PPP1R12A: variants seen among roughly 807,000 people sequenced by gnomAD.
PPP1R12A encodes the protein protein phosphatase 1 regulatory subunit 12A, also known as myosin binding subunit.
PPP1R12A carries 19 observed loss-of-function variants against 139.6 expected under a neutral mutation model. The observed-to-expected ratio is 0.14, with a 90% CI of 0.09 to 0.20. The LOEUF is 0.20. Among genes scored for constraint, PPP1R12A ranks in the 10% least tolerant of loss-of-function variants. PPP1R12A has a pLI of 1.00. For missense variants in PPP1R12A, 925 were observed against 1,211.5 expected, an observed-to-expected ratio of 0.76 and a Z score of 3.51; for synonymous variants, 427 against 420.6, an observed-to-expected ratio of 1.02 and a Z score of -0.19.
chr12:79,789,386 C>A (rs946232810), intron 20 of PPP1R12A, among the ~76,000 whole-genome samples: 7 of 152,120 alleles, frequency 4.6e-5, no homozygotes, highest in Admixed American at 6.5e-5. Context: ...AAATGGCTTA[C>A]AATTGATGAT....
chr12:79,844,312 A>G (rs2137207243), intron 3 of PPP1R12A, among the ~76,000 whole-genome samples: 1 of 152,332 alleles, frequency 6.6e-6, no homozygotes, highest in South Asian at 2.1e-4. Flanking sequence ...CAAATTTAAC[A>G]TGCCTGAAAA....
chr12:79,774,904 T>G lies in PPP1R12A; in HGVS notation c.*1025A>C, dbSNP rs1241114487. 2 of 150,520 alleles carry G rather than the reference T, an allele frequency of 1.3e-5. No homozygotes were observed. Among genetic ancestry groups the G allele is most frequent in the Non-Finnish European group, 2.9e-5 (2 of 67,948 alleles). 9.3% of individuals were successfully genotyped at this position (150,520 alleles called of 1,614,324 possible). On this transcript the variant is annotated 3_prime_UTR_variant, in exon 25 of 25. Coordinates refer to ENST00000450142, the MANE Select transcript of PPP1R12A (RefSeq NM_002480.3). Reference sequence around the variant, plus strand: ...AGTGAAAACTGAAAATAAAAGCACTTTACAGTAGGAAACTTTTGTAAAGAT... The same window carrying G: ...AGTGAAAACTGAAAATAAAAGCACTGTACAGTAGGAAACTTTTGTAAAGAT...
At chr12:79,780,022 G>A (rs1011955877) in intron 23 of PPP1R12A, 1 of 152,278 alleles carries the variant, frequency 6.6e-6, no homozygotes, top group African/African-American at 2.4e-5. Flanking sequence ...TGGCAACAAA[G>A]TGAGACCTTG....
chr12:79,931,871 T>C (rs1471088594), intron 1 of PPP1R12A, among the ~76,000 whole-genome samples: 2 of 152,176 alleles, frequency 1.3e-5, no homozygotes, highest in African/African-American at 2.4e-5. Flanking sequence ...TTTTCTTCTA[T>C]ACAGAGGACA....
At chr12:79,934,358 A>C (rs1374360331) in intron 1 of PPP1R12A, among the ~76,000 whole-genome samples, 2 of 152,120 alleles carry the variant, frequency 1.3e-5, no homozygotes, top group African/African-American at 4.8e-5. Flanking sequence ...GCCCAGGCAC[A>C]ACCCCACTAC....
intron 2 of PPP1R12A, among the ~76,000 whole-genome samples, 191 bp downstream of exon 2, chr12:79,872,617 G>A (rs2137333817): frequency 6.6e-6 from 1 of 152,084 alleles, no homozygotes; most frequent in Non-Finnish European, 1.5e-5. Flanking sequence ...AAAGAGGGTG[G>A]GGAGACAAAA....
intron 1 of PPP1R12A, among the ~76,000 whole-genome samples, chr12:79,914,728 T>G (rs1294809141): frequency 6.6e-6 from 1 of 152,070 alleles, no homozygotes; most frequent in Non-Finnish European, 1.5e-5. Context: ...TTGGTCCCTT[T>G]CCTGGAAATC....
At chr12:79,851,017 A>T (rs763655830) in intron 2 of PPP1R12A, among the ~76,000 whole-genome samples, 20 of 152,236 alleles carry the variant, frequency 1.3e-4, no homozygotes, top group Non-Finnish European at 2.4e-4. Flanking sequence ...TAGCAGTGCA[A>T]GATTGGACTA....
chr12:79,858,461 T>C (rs1051556517), intron 2 of PPP1R12A, among the ~76,000 whole-genome samples: 13 of 152,212 alleles, frequency 8.5e-5, no homozygotes, highest in African/African-American at 2.9e-4. Context: ...TAGGTACAAG[T>C]ATTAATATTT....
At chr12:79,779,575 T>TA (rs1198762154) in intron 23 of PPP1R12A, 1 of 348,234 alleles carries the variant, frequency 2.9e-6, no homozygotes. Context: ...CATTATTGTA[T>TA]AGACAGAAAC....
At chr12:79,855,481 G>A (rs1450122299) in intron 2 of PPP1R12A, among the ~76,000 whole-genome samples, 1 of 151,956 alleles carries the variant, frequency 6.6e-6, no homozygotes, top group Non-Finnish European at 1.5e-5. Flanking sequence ...ATTTTCCTGT[G>A]GGTATATAAC....
At chr12:79,898,549 A>G (rs551401712) in intron 1 of PPP1R12A, among the ~76,000 whole-genome samples, 40 of 152,334 alleles carry the variant, frequency 2.6e-4, no homozygotes, top group Non-Finnish European at 4.3e-4. Context: ...TTCTTTCCAC[A>G]TAAGTTTTTA....
intron 23 of PPP1R12A, chr12:79,779,358 G>A: frequency 7.8e-7 from 1 of 1,288,898 alleles, no homozygotes; most frequent in Non-Finnish European, 1.0e-6. Flanking sequence ...TCACCTTTCA[G>A]ATACAAACCA....
chr12:79,893,751 T>C (rs1405392884), intron 1 of PPP1R12A, among the ~76,000 whole-genome samples: 3 of 152,192 alleles, frequency 2.0e-5, no homozygotes, highest in Non-Finnish European at 4.4e-5. Flanking sequence ...AAATGTGTAA[T>C]TGATACTAAA....
At chr12:79,835,708 A>C (rs1035852588) in intron 3 of PPP1R12A, among the ~76,000 whole-genome samples, 1 of 152,196 alleles carries the variant, frequency 6.6e-6, no homozygotes, top group Admixed American at 6.5e-5. Context: ...GACAAAGCTC[A>C]AGCTCTTTAG....
At chr12:79,835,157 T>C (rs946705235) in intron 3 of PPP1R12A, among the ~76,000 whole-genome samples, 6 of 152,110 alleles carry the variant, frequency 3.9e-5, no homozygotes, top group Non-Finnish European at 7.4e-5. Context: ...CCTTTTTTCC[T>C]CCTGCTTTTG....
intron 1 of PPP1R12A, among the ~76,000 whole-genome samples, chr12:79,877,417 A>G (rs1883214818): frequency 6.6e-6 from 1 of 152,222 alleles, no homozygotes; most frequent in African/African-American, 2.4e-5. Flanking sequence ...AAACATAAAA[A>G]GTGTATTGTA....
chr12:79,878,594 C>T (rs1399235899), intron 1 of PPP1R12A, among the ~76,000 whole-genome samples: 1 of 152,152 alleles, frequency 6.6e-6, no homozygotes, highest in African/African-American at 2.4e-5. Context: ...AGAGGTTTGA[C>T]TCACAGTTCC....
At position 79,935,057 on chromosome 12, in the gene PPP1R12A, C is replaced by A; in HGVS notation, c.-126G>T. The stretch of plus-strand genomic sequence containing the variant: ...GCGGGCCAGAGGAGGGCTGGGAACC[C>A]GGAGCCGACGCTCGAGACTTCCAGT... On this transcript the variant is annotated 5_prime_UTR_variant, in exon 1 of 25. Coordinates refer to ENST00000450142, the MANE Select transcript of PPP1R12A (RefSeq NM_002480.3). 1 of 1,403,104 alleles carries A rather than the reference C, an allele frequency of 7.1e-7. No homozygotes were observed. The highest frequency in any genetic ancestry group is 1.6e-5 in the South Asian group (1 of 64,408). 86.9% of individuals were successfully genotyped at this position (1,403,104 alleles called of 1,614,324 possible). A position where few individuals can be genotyped will look rare whatever the true frequency, so the allele number is the denominator to read the frequency against.
Sources: gnomAD v4.1 joint callset for allele counts (sites outside exome capture counted in the v4.1 genomes callset) on GRCh38, gnomAD v4.1.1 for gene constraint, MANE v1.5 for transcripts, NCBI Gene and HGNC (gene_info 2026-07-23, HGNC 2026-07-21) for gene names.